The following AKR1D1 variants were observed in gnomAD, a reference collection of about 807,000 sequenced individuals.
The protein encoded by AKR1D1 is aldo-keto reductase family 1 member D1, also known as delta(4)-3-ketosteroid 5-beta-reductase.
A neutral mutation model predicts 42.6 loss-of-function variants in AKR1D1; 32 were observed. The ratio of observed to expected loss-of-function variants is 0.75; its 90% CI spans 0.57 to 1.01. The LOEUF is 1.01. Ranked by LOEUF, AKR1D1 falls within the 50% of genes least tolerant of loss-of-function variation. AKR1D1 has a pLI of 0.00. For synonymous variants in AKR1D1, 123 were observed against 135.5 expected (o/e 0.91, Z 0.64); for missense variants, 364 against 402.2 (o/e 0.91, Z 0.81).
intron 7 of AKR1D1, among the ~76,000 whole-genome samples, chr7:138,111,762 T>C (rs1794541197): frequency 6.6e-6 from 1 of 152,332 alleles, no homozygotes; most frequent in Non-Finnish European, 1.5e-5. Flanking sequence ...TGAAAGTAAG[T>C]TCACTTCTAT....
Position 138,116,900 on chromosome 7 carries a change from A to G in AKR1D1, c.*238A>G. ...AATTATCAACTAATTTTTTCAGATC[A>G]GTATCTTCTAGATTCCAGACAGAAA... On this transcript the variant is annotated 3_prime_UTR_variant, in exon 9 of 9. Coordinates refer to ENST00000242375, the MANE Select transcript of AKR1D1 (RefSeq NM_005989.4). 2.0e-6 allele frequency: 1 copy of G among 504,372 alleles called. No homozygotes were observed. Among genetic ancestry groups the G allele is most frequent in the Admixed American group, 3.5e-5 (1 of 28,774 alleles). The allele number at this position is 504,372 out of a possible 1,614,324, so 31.2% of individuals were successfully genotyped here.
chr7:138,103,342 A>T (rs1488520790), intron 4 of AKR1D1, among the ~76,000 whole-genome samples: 1 of 152,206 alleles, frequency 6.6e-6, no homozygotes, highest in Non-Finnish European at 1.5e-5. Flanking sequence ...AATACGCTAC[A>T]ATTAAAGTTT....
intron 8 of AKR1D1, among the ~76,000 whole-genome samples, chr7:138,114,808 T>C (rs1794604785): frequency 6.6e-6 from 1 of 152,134 alleles, no homozygotes; most frequent in Non-Finnish European, 1.5e-5. Context: ...TCAAATCACC[T>C]GAATATTCAT....
chr7:138,081,512 T>C (rs1382913246), intron 1 of AKR1D1, among the ~76,000 whole-genome samples: 12 of 42,428 alleles, frequency 2.8e-4, no homozygotes, highest in East Asian at 1.5e-3. Context: ...CTACCTTTTT[T>C]TTTTTTTTTT....
chr7:138,096,737 T>C (rs1254973352), intron 3 of AKR1D1, among the ~76,000 whole-genome samples: 1 of 152,104 alleles, frequency 6.6e-6, no homozygotes, highest in African/African-American at 2.4e-5. Context: ...TCGTGACATC[T>C]CATGACCCTC....
chr7:138,078,988 T>TTTTATTTTA (rs1363044334), intron 1 of AKR1D1, among the ~76,000 whole-genome samples: 2 of 151,628 alleles, frequency 1.3e-5, no homozygotes, highest in Non-Finnish European at 3.0e-5. Flanking sequence ...TAAACATTCC[T>TTTTATTTTA]TTTATTTTAT....
At chr7:138,111,050 A>T (rs1794526771) in intron 7 of AKR1D1, among the ~76,000 whole-genome samples, 1 of 152,090 alleles carries the variant, frequency 6.6e-6, no homozygotes, top group Non-Finnish European at 1.5e-5. Flanking sequence ...TTCCTCTCCC[A>T]TAAGAATCTT....
At chr7:138,083,681 T>C (rs1350570309) in intron 1 of AKR1D1, among the ~76,000 whole-genome samples, 1 of 152,176 alleles carries the variant, frequency 6.6e-6, no homozygotes. Context: ...GTCATGATGC[T>C]TTTTCCCTTA....
In AKR1D1 at chr7:138,113,781, CG is replaced by C. The variant is rs768796075; in HGVS notation, c.938+13del. The C allele has an allele frequency of 2.5e-6, 4 of 1,612,356 alleles. No homozygotes were observed. The African/African-American group carries it at 5.3e-5, about 22-fold the overall frequency. ...TTTGTAGAATTGCTCATGTAAGTTC[CG>C]GGGATCATTAATGGGTATTGACCAG... On this transcript the variant is annotated intron_variant, in intron 8 of 8. Coordinates refer to ENST00000242375, the MANE Select transcript of AKR1D1 (RefSeq NM_005989.4).
rs529710843 is a variant in AKR1D1, at chr7:138,105,466, G to C, written c.579+37G>C. ...TAGCTTCCACTAGGGTGTGGGGAGT[G>C]GGGGCAGGATTTACATGACACAAAG... is the stretch of plus-strand genomic sequence containing the variant. On this transcript the variant is annotated intron_variant, in intron 5 of 8. Transcript: ENST00000242375. 4.3e-6 allele frequency: 7 copies of C among 1,612,716 alleles called. No homozygotes were observed. In the African/African-American group the frequency reaches 8.0e-5, roughly 18 times the overall value.
chr7:138,114,660 CA>C (rs34437071), intron 8 of AKR1D1, among the ~76,000 whole-genome samples: 46,765 of 87,208 alleles, frequency 0.54, 9,079 homozygotes, highest in Middle Eastern at 0.63. Context: ...AACTCCATCT[CA>C]AAAAAAAAAA....
intron 2 of AKR1D1, among the ~76,000 whole-genome samples, chr7:138,090,473 C>T (rs771819333): frequency 1.3e-5 from 2 of 151,846 alleles, no homozygotes; most frequent in Non-Finnish European, 2.9e-5. Context: ...CCCATCTCTA[C>T]TAAAAATACA....
chr7:138,109,778 T>C (rs779388519), intron 7 of AKR1D1, among the ~76,000 whole-genome samples: 1 of 152,198 alleles, frequency 6.6e-6, no homozygotes, highest in African/African-American at 2.4e-5. Flanking sequence ...GTAGGCTCAT[T>C]GAAGATTAAA....
chr7:138,091,395 G>A, intron 2 of AKR1D1: 1 of 314,922 alleles, frequency 3.2e-6, no homozygotes, highest in Non-Finnish European at 6.2e-6. Context: ...AAGTGTATGT[G>A]AGTAGCTGCA....
intron 7 of AKR1D1, 32 bp downstream of exon 7, chr7:138,107,612 A>G (rs1446017641): frequency 6.2e-7 from 1 of 1,610,384 alleles, no homozygotes; most frequent in South Asian, 1.1e-5. Context: ...ATGTGAAAAG[A>G]TGGGTATGTT....
chr7:138,098,282 C>T (rs981434709), intron 4 of AKR1D1: 1 of 207,418 alleles, frequency 4.8e-6, no homozygotes, highest in Non-Finnish European at 9.7e-6. Flanking sequence ...AATATGATGC[C>T]TACAAGAAAC....
At chr7:138,102,843 T>C (rs1794344627) in intron 4 of AKR1D1, among the ~76,000 whole-genome samples, 1 of 151,938 alleles carries the variant, frequency 6.6e-6, no homozygotes, top group Non-Finnish European at 1.5e-5. Flanking sequence ...CCACATTCAG[T>C]GATGTCGGGT....
intron 1 of AKR1D1, among the ~76,000 whole-genome samples, chr7:138,079,340 T>C (rs998512089): frequency 1.3e-5 from 2 of 152,180 alleles, no homozygotes. Context: ...ATGAGTAGTT[T>C]CAGAGAGTTA....
intron 3 of AKR1D1, among the ~76,000 whole-genome samples, chr7:138,093,958 T>C (rs1444159667): frequency 1.3e-5 from 2 of 152,222 alleles, no homozygotes; most frequent in African/African-American, 2.4e-5. Flanking sequence ...CAAAATGTCA[T>C]TATGCAGCAC....
Sources: allele counts gnomAD v4.1 joint callset (sites outside exome capture counted in the v4.1 genomes callset), GRCh38; gene constraint gnomAD v4.1.1; transcripts MANE v1.5; gene names NCBI Gene and HGNC (gene_info 2026-07-23, HGNC 2026-07-21).